Variants in MLYCD observed in about 807,000 individuals in gnomAD.
MLYCD encodes malonyl-CoA decarboxylase, mitochondrial.
Under a neutral mutation model 35.8 loss-of-function variants are expected in MLYCD, and 27 were observed. The observed-to-expected ratio is 0.75, with a 90% CI of 0.56 to 1.04. MLYCD has a LOEUF of 1.04. Ranked by LOEUF, MLYCD falls within the 50% of genes least tolerant of loss-of-function variation. The probability of loss-of-function intolerance (pLI) is 0.00; values close to 1 mark genes in which losing one functional copy is unlikely to be tolerated. For synonymous variants in MLYCD, 403 were observed against 302.4 expected (o/e 1.33, Z -3.45); for missense variants, 917 against 665.1 (o/e 1.38, Z -4.17).
chr16:83,912,495 A>T, intron 4 of MLYCD, 128 bp downstream of exon 4: 2 of 1,322,372 alleles, frequency 1.5e-6, no homozygotes, highest in Admixed American at 3.9e-5. Context: ...GGCAGGGGGT[A>T]GAAAAGGTGC....
chr16:83,914,585 G>C (rs1217418741), intron 4 of MLYCD: 1 of 337,044 alleles, frequency 3.0e-6, no homozygotes, highest in African/African-American at 2.1e-5. Flanking sequence ...GGGGAGTCAG[G>C]ATGCCTCCAG....
Position 83,914,942 on chromosome 16 carries a change from A to C in MLYCD, c.949-14A>C. 1.2e-6 allele frequency: 2 copies of C among 1,614,094 alleles called. No individual in the cohort carries two copies. The highest frequency in any genetic ancestry group is 1.7e-6 in the Non-Finnish European group (2 of 1,180,008). On this transcript the variant is annotated splice_polypyrimidine_tract_variant and intron_variant, in intron 4 of 4. Coordinates refer to ENST00000262430, the MANE Select transcript of MLYCD (RefSeq NM_012213.3). ...TTTCTCCGCCTTCCTTTCCACCCCA[A>C]CCATGCTTTACAGAGAGAGTTTCCT...
chr16:83,899,503 C>A lies in MLYCD; in HGVS notation c.359C>A (p.Ala120Glu). 1 of 1,572,296 alleles carries A rather than the reference C, an allele frequency of 6.4e-7. No homozygotes were observed. The highest frequency in any genetic ancestry group is 8.6e-7 in the Non-Finnish European group (1 of 1,169,294). The change falls in exon 1 of 5, where the codon GCG (alanine) becomes GAG (glutamate). Residue 120 changes from alanine to glutamate, a missense_variant. Physicochemically the swap from Ala to Glu is moderately radical, Grantham distance 107. Transcript: ENST00000262430. ...CTGCGCCAGCAGCAGCGGGAGGCGG[C>A]GGTGCTGCTGCAGGCCGAGGACCGG... Reference protein sequence around the residue: ...LHLRQQQREAAVLLQAEDRLR... With the variant: ...LHLRQQQREAEVLLQAEDRLR...
At chr16:83,902,412 C>G (rs1906828059) in intron 1 of MLYCD, among the ~76,000 whole-genome samples, 5 of 151,006 alleles carry the variant, frequency 3.3e-5, no homozygotes, top group South Asian at 2.1e-4. Flanking sequence ...TTAGATTGTT[C>G]TGTACCTATA....
chr16:83,901,180 A>G (rs776010188), intron 1 of MLYCD, among the ~76,000 whole-genome samples: 10 of 152,198 alleles, frequency 6.6e-5, no homozygotes, highest in Non-Finnish European at 1.2e-4. Flanking sequence ...TAATTGCATG[A>G]CACAGAATCA....
Position 83,917,125 on chromosome 16 carries a change from C to G in MLYCD, c.*1636C>G. On this transcript the variant is annotated 3_prime_UTR_variant, in exon 5 of 5. Coordinates refer to ENST00000262430, the MANE Select transcript of MLYCD (RefSeq NM_012213.3). Reference sequence around the variant, plus strand: ...ATCAGTGCACGTCTGTGTGCGTGTGCACGAGCGTTCTATGTGGATCAGTGC... The same window carrying G: ...ATCAGTGCACGTCTGTGTGCGTGTGGACGAGCGTTCTATGTGGATCAGTGC... 1.4e-5 allele frequency: 1 copy of G among 69,152 alleles called. No individual in the cohort carries two copies. Among genetic ancestry groups the G allele is most frequent in the East Asian group, 4.9e-4 (1 of 2,032 alleles). The allele number at this position is 69,152 out of a possible 1,614,324, so 4.3% of individuals were successfully genotyped here. A position where few individuals can be genotyped will look rare whatever the true frequency, so the allele number is the denominator to read the frequency against.
chr16:83,906,543 G>A (rs1906981741), intron 1 of MLYCD, among the ~76,000 whole-genome samples: 1 of 152,130 alleles, frequency 6.6e-6, no homozygotes, highest in South Asian at 2.1e-4. Context: ...GGAAATGTAG[G>A]CGTAATGTTT....
At chr16:83,911,023 C>T (rs1597292926) in intron 3 of MLYCD, among the ~76,000 whole-genome samples, 1 of 152,146 alleles carries the variant, frequency 6.6e-6, no homozygotes, top group Admixed American at 6.5e-5. Flanking sequence ...TGTGCCCAGG[C>T]TGGAGTGCAG....
At chr16:83,913,348 G>A (rs1400880161) in intron 4 of MLYCD, 3 of 152,288 alleles carry the variant, frequency 2.0e-5, no homozygotes, top group Non-Finnish European at 4.4e-5. Context: ...GTGGGGAAAT[G>A]TATCAGGGTA....
intron 4 of MLYCD, 156 bp from the exon 5 acceptor site, chr16:83,914,800 T>C (rs1907311902): frequency 8.9e-7 from 1 of 1,118,446 alleles, no homozygotes; most frequent in Admixed American, 2.0e-5. Context: ...AAAGAAAAGC[T>C]GCTTGAAAGA....
At chr16:83,900,906 T>G (rs1057060074) in intron 1 of MLYCD, among the ~76,000 whole-genome samples, 2 of 152,232 alleles carry the variant, frequency 1.3e-5, no homozygotes, top group African/African-American at 4.8e-5. Context: ...AAGCTCTTGC[T>G]GATCACCCAC....
chr16:83,915,330 C>T lies in MLYCD; in HGVS notation c.1323C>T (p.Leu441=), dbSNP rs1907339852. The change falls in exon 5 of 5, where the codon CTC becomes CTT. Residue 441 remains leucine (L), a synonymous_variant. Coordinates refer to ENST00000262430, the MANE Select transcript of MLYCD (RefSeq NM_012213.3). ...TCAACTGGATGGCGGATGTGAGCCT[C>T]AGAGGCATCACCGGCTCCTGCGGCC... ...WRINWMADVS[L]RGITGSCGLM... 5.0e-6 allele frequency: 8 copies of T among 1,613,932 alleles called. No individual in the cohort carries two copies. In the African/African-American group the frequency reaches 5.3e-5, roughly 11 times the overall value.
At chr16:83,900,998 G>A (rs1029865187) in intron 1 of MLYCD, among the ~76,000 whole-genome samples, 1 of 151,962 alleles carries the variant, frequency 6.6e-6, no homozygotes, top group African/African-American at 2.4e-5. Context: ...TTCTTTTTTG[G>A]CTACTTAGAT....
chr16:83,908,346 T>C, intron 3 of MLYCD, 64 bp downstream of exon 3: 4 of 1,567,826 alleles, frequency 2.6e-6, no homozygotes, highest in Non-Finnish European at 3.4e-6. Context: ...GTTTTTTGTT[T>C]TGTTTTGTTT....
chr16:83,926,944 TG>T lies in MLYCD; in HGVS notation c.*11457del, dbSNP rs1907826372. Reference sequence around the variant, plus strand: ...GAATCCGGGAGGCGGAGGTTGCAGTTGGCCGAGATGGCGCCACTCACTCCAG... The same window carrying T: ...GAATCCGGGAGGCGGAGGTTGCAGTTGCCGAGATGGCGCCACTCACTCCAG... On this transcript the variant is annotated 3_prime_UTR_variant, in exon 5 of 5. Transcript: ENST00000262430. 2 of 152,068 alleles carry T rather than the reference TG, an allele frequency of 1.3e-5. No homozygotes were observed. The highest frequency in any genetic ancestry group is 2.9e-5 in the Non-Finnish European group (2 of 68,024). The allele number at this position is 152,068 out of a possible 1,614,324, so 9.4% of individuals were successfully genotyped here. A position where few individuals can be genotyped will look rare whatever the true frequency, so the allele number is the denominator to read the frequency against.
Position 83,920,392 on chromosome 16 carries a change from C to T in MLYCD, c.*4903C>T, listed in dbSNP as rs972124908. On this transcript the variant is annotated 3_prime_UTR_variant, in exon 5 of 5. Coordinates refer to ENST00000262430, the MANE Select transcript of MLYCD (RefSeq NM_012213.3). ...CTGTGAACAGTTGACAGACCTAAAG[C>T]CAGCCAGAATGTTCTGTGTCAGAGA... 4 of 152,240 alleles carry T rather than the reference C, an allele frequency of 2.6e-5. No individual in the cohort carries two copies. Among genetic ancestry groups the T allele is most frequent in the African/African-American group, 9.6e-5 (4 of 41,466 alleles). 9.4% of individuals were successfully genotyped at this position (152,240 alleles called of 1,614,324 possible).
At position 83,916,037 on chromosome 16, in the gene MLYCD, C is replaced by T. The variant is rs1416864167; in HGVS notation, c.*548C>T. ...GTATGAGAAGGTTTGTGATTTTGCA[C>T]AAGGTGTGTGTAGTAAGTTAAATTG... On this transcript the variant is annotated 3_prime_UTR_variant, in exon 5 of 5. Transcript: ENST00000262430. The T allele has an allele frequency of 2.0e-6, 2 of 1,005,562 alleles. No homozygotes were observed. The highest frequency in any genetic ancestry group is 2.4e-6 in the Non-Finnish European group (2 of 840,274). The allele number at this position is 1,005,562 out of a possible 1,614,324, so 62.3% of individuals were successfully genotyped here.
intron 3 of MLYCD, chr16:83,911,952 T>G: frequency 2.1e-6 from 1 of 486,192 alleles, no homozygotes; most frequent in South Asian, 2.1e-5. Flanking sequence ...GGGGCATACA[T>G]TGCTCTTCAA....
intron 3 of MLYCD, among the ~76,000 whole-genome samples, chr16:83,911,280 C>A (rs1306516975): frequency 6.6e-6 from 1 of 152,206 alleles, no homozygotes; most frequent in Non-Finnish European, 1.5e-5. Flanking sequence ...GCCCGGCCTC[C>A]ATACAATTTC....
Sources: gnomAD v4.1 joint callset for allele counts (sites outside exome capture counted in the v4.1 genomes callset) on GRCh38, gnomAD v4.1.1 for gene constraint, MANE v1.5 for transcripts, NCBI Gene and HGNC (gene_info 2026-07-23, HGNC 2026-07-21) for gene names.